The following PTN variants were observed in gnomAD, a reference collection of about 807,000 sequenced individuals.
PTN encodes pleiotrophin, also known as heparin affin regulatory protein.
PTN carries 18 observed loss-of-function variants against 24.1 expected under a neutral mutation model. The ratio of observed to expected loss-of-function variants is 0.75; its 90% CI spans 0.52 to 1.11. The LOEUF is 1.11. Among genes scored for constraint, PTN ranks in the 50% least tolerant of loss-of-function variants. The probability of loss-of-function intolerance (pLI) is 0.00; values close to 1 mark genes in which losing one functional copy is unlikely to be tolerated. For missense variants in PTN, 163 were observed against 198.8 expected (o/e 0.82, Z 1.08); for synonymous variants, 78 against 68.6 (o/e 1.14, Z -0.67).
chr7:137,254,808 A>G (rs1250506337), intron 2 of PTN, 51 bp downstream of exon 2: 2 of 1,255,266 alleles, frequency 1.6e-6, no homozygotes, highest in Non-Finnish European at 2.2e-6. Flanking sequence ...TAATTAGACT[A>G]GATGGACATT....
chr7:137,263,996 A>G (rs1479703932), intron 1 of PTN, among the ~76,000 whole-genome samples: 1 of 152,198 alleles, frequency 6.6e-6, no homozygotes, highest in African/African-American at 2.4e-5. Context: ...CTAAGCAACT[A>G]AGTCATCCTA....
In PTN at chr7:137,254,934, C is replaced by A; in HGVS notation, c.40G>T (p.Ala14Ser). The change falls in exon 2 of 5, where the codon GCA becomes TCA. Residue 14 changes from alanine (A) to serine (S), a missense_variant. By Grantham distance (99) the Ala-to-Ser change is moderately conservative. Coordinates refer to ENST00000348225, the MANE Select transcript of PTN (RefSeq NM_002825.7). ...AAAATGAATGCCAAGAAGGCAGCTGCAAATTTTCGACGCTGCTGCTGGTAC... is the reference window on the plus strand; with the variant it reads ...AAAATGAATGCCAAGAAGGCAGCTGAAAATTTTCGACGCTGCTGCTGGTAC... The part of the protein sequence containing the change: ...QQYQQQRRKF[A>S]AAFLAFIFIL... The A allele has an allele frequency of 6.3e-7, 1 of 1,579,602 alleles. No homozygotes were observed.
chr7:137,232,206 C>A lies in PTN; in HGVS notation c.452-4131G>T, dbSNP rs749902539. ...GCTGCAAAGCAGAAATGGATATAAA[C>A]AGAGAATGAGCCATTGTCAACATGT... On this transcript the variant is annotated intron_variant, in intron 4 of 4. Transcript: ENST00000348225. 2.8e-4 allele frequency among the ~76,000 whole-genome samples: 43 copies of A among 151,952 alleles called. 1 individual carries two copies. The highest frequency in any genetic ancestry group is 5.3e-4 in the Admixed American group (8 of 15,234).
intron 4 of PTN, among the ~76,000 whole-genome samples, chr7:137,234,838 T>C (rs1338260386): frequency 6.6e-6 from 1 of 152,030 alleles, no homozygotes; most frequent in Non-Finnish European, 1.5e-5. Flanking sequence ...TGATTTCAGA[T>C]TGAGGGGAGC....
At chr7:137,244,962 T>C (rs1289045603) in intron 4 of PTN, among the ~76,000 whole-genome samples, 1 of 152,196 alleles carries the variant, frequency 6.6e-6, no homozygotes, top group Admixed American at 6.5e-5. Flanking sequence ...ACTTAATCTT[T>C]TAGCCTTATT....
At chr7:137,336,551 A>G (rs1810452512) in intron 1 of PTN, among the ~76,000 whole-genome samples, 1 of 152,164 alleles carries the variant, frequency 6.6e-6, no homozygotes, top group South Asian at 2.1e-4. Flanking sequence ...GGCCTTGAGC[A>G]TGATCACATG....
rs1437538509 is a variant in PTN at position 137,227,809 on chromosome 7, A to G, written c.*211T>C. Reference sequence around the variant, plus strand: ...TGTACTATAAGTCAACTTCCTAAATAAGATTACAGTCCTTTATTATAAGCC... The same window carrying G: ...TGTACTATAAGTCAACTTCCTAAATGAGATTACAGTCCTTTATTATAAGCC... On this transcript the variant is annotated 3_prime_UTR_variant, in exon 5 of 5. Coordinates refer to ENST00000348225, the MANE Select transcript of PTN (RefSeq NM_002825.7). 3 of 398,464 alleles carry G rather than the reference A, an allele frequency of 7.5e-6. No individual in the cohort carries two copies. Among genetic ancestry groups the G allele is most frequent in the African/African-American group, 6.2e-5 (3 of 48,258 alleles). 24.7% of individuals were successfully genotyped at this position (398,464 alleles called of 1,614,324 possible).
chr7:137,339,459 T>C (rs958163067), intron 1 of PTN, among the ~76,000 whole-genome samples: 10 of 149,270 alleles, frequency 6.7e-5, no homozygotes, highest in African/African-American at 2.5e-4. Flanking sequence ...GTGATGGACA[T>C]GAGTAACTCC....
intron 1 of PTN, among the ~76,000 whole-genome samples, chr7:137,285,088 A>G (rs1809532665): frequency 6.6e-6 from 1 of 152,196 alleles, no homozygotes; most frequent in African/African-American, 2.4e-5. Flanking sequence ...ATACATAAAA[A>G]AGCAAAGCTA....
At chr7:137,316,739 A>G (rs1810078788) in intron 1 of PTN, among the ~76,000 whole-genome samples, 1 of 152,180 alleles carries the variant, frequency 6.6e-6, no homozygotes, top group Admixed American at 6.5e-5. Flanking sequence ...TGGGTTGCAG[A>G]CTGGGCTGCC....
intron 1 of PTN, among the ~76,000 whole-genome samples, chr7:137,293,616 A>T (rs1158964135): frequency 1.3e-5 from 2 of 152,052 alleles, no homozygotes; most frequent in African/African-American, 4.8e-5. Context: ...TACTTTTTTT[A>T]AAAATAGACT....
chr7:137,298,627 C>A (rs1031278063), intron 1 of PTN, among the ~76,000 whole-genome samples: 2 of 151,824 alleles, frequency 1.3e-5, no homozygotes, highest in African/African-American at 4.8e-5. Context: ...CTACTTTATT[C>A]CTAGCTCTGT....
chr7:137,244,167 C>A (rs1253924044), intron 4 of PTN, among the ~76,000 whole-genome samples: 1 of 152,070 alleles, frequency 6.6e-6, no homozygotes, highest in Non-Finnish European at 1.5e-5. Context: ...TTTATCCCTG[C>A]CAGACTCTGG....
At chr7:137,236,487 T>C (rs1563194717) in intron 4 of PTN, among the ~76,000 whole-genome samples, 1 of 152,030 alleles carries the variant, frequency 6.6e-6, no homozygotes. Context: ...CACATACACA[T>C]ACACAGACAG....
chr7:137,234,998 G>T (rs1299114443), intron 4 of PTN, among the ~76,000 whole-genome samples: 2 of 151,996 alleles, frequency 1.3e-5, no homozygotes, highest in Non-Finnish European at 2.9e-5. Context: ...TTAGCTAAAA[G>T]AAGCTAAAAT....
At position 137,297,165 on chromosome 7, in the gene PTN, T is replaced by C. The variant is rs553132867; in HGVS notation, c.-1-42191A>G. On this transcript the variant is annotated intron_variant, in intron 1 of 4. Transcript: ENST00000348225. ...CTAAAATACTTTTAAAAATAAGACA[T>C]GTTATAAAATAGTACATGATCATTT... Among the ~76,000 whole-genome samples the C allele has an allele frequency of 1.7e-4, 26 of 152,236 alleles. No homozygotes were observed. In the South Asian group the frequency reaches 5.2e-3, roughly 30 times the overall value.
intron 1 of PTN, among the ~76,000 whole-genome samples, chr7:137,271,135 T>C (rs747575158): frequency 3.3e-5 from 5 of 152,228 alleles, no homozygotes; most frequent in Non-Finnish European, 7.3e-5. Flanking sequence ...CTCACTCTTA[T>C]TGGCTCACTA....
At chr7:137,267,581 G>A (rs77201625) in intron 1 of PTN, among the ~76,000 whole-genome samples, 14,372 of 152,058 alleles carry the variant, frequency 0.095, 863 homozygotes, top group South Asian at 0.18. Flanking sequence ...AAGTTTTCCT[G>A]GTATCATAGT....
chr7:137,255,844 C>T lies in PTN; in HGVS notation c.-1-870G>A, dbSNP rs530967678. On this transcript the variant is annotated intron_variant, in intron 1 of 4. Transcript: ENST00000348225. The stretch of plus-strand genomic sequence containing the variant: ...CCAAGCTCCAGGACGACCCACTTCC[C>T]AATGGCTACACCATATCATGGCTGC... 5.9e-5 allele frequency among the ~76,000 whole-genome samples: 9 copies of T among 152,312 alleles called. No individual in the cohort carries two copies. The South Asian group carries it at 1.9e-3, about 32-fold the overall frequency.
Sources: gnomAD v4.1 joint callset for allele counts (sites outside exome capture counted in the v4.1 genomes callset) on GRCh38, gnomAD v4.1.1 for gene constraint, MANE v1.5 for transcripts, NCBI Gene and HGNC (gene_info 2026-07-23, HGNC 2026-07-21) for gene names.